Variants in DCC observed in about 807,000 individuals in gnomAD.
DCC encodes the protein netrin receptor DCC.
In DCC, 58 loss-of-function variants were observed where a neutral mutation model predicts 172.5. The observed-to-expected ratio is 0.34, with a 90% confidence interval of 0.27 to 0.42. The LOEUF is 0.42. Ranked by LOEUF, DCC falls within the 10% of genes least tolerant of loss-of-function variation. The pLI, the probability that DCC is intolerant of heterozygous loss-of-function variation, is 1.00. For synonymous variants in DCC, 709 were observed against 644.5 expected, an observed-to-expected ratio of 1.10 and a Z score of -1.52; for missense variants, 1,740 against 1,791.0, an observed-to-expected ratio of 0.97 and a Z score of 0.51.
intron 14 of DCC, among the ~76,000 whole-genome samples, chr18:53,323,761 A>C (rs537495378): frequency 6.6e-6 from 1 of 152,158 alleles, no homozygotes; most frequent in East Asian, 1.9e-4. Flanking sequence ...TTAAATTGAG[A>C]CCTGAAGGAT....
chr18:53,485,179 G>A (rs181918373), intron 25 of DCC, among the ~76,000 whole-genome samples: 28 of 152,070 alleles, frequency 1.8e-4, no homozygotes, highest in Non-Finnish European at 3.5e-4. Context: ...ACTGTGAGCC[G>A]ATAGATATGT....
intron 2 of DCC, among the ~76,000 whole-genome samples, chr18:52,886,657 C>A (rs2039574343): frequency 6.6e-6 from 1 of 152,118 alleles, no homozygotes; most frequent in Admixed American, 6.5e-5. Context: ...GTTTCCTCTG[C>A]TGGGAAAAGG....
At chr18:52,366,219 G>T (rs1220787799) in intron 1 of DCC, among the ~76,000 whole-genome samples, 1 of 152,026 alleles carries the variant, frequency 6.6e-6, no homozygotes, top group Non-Finnish European at 1.5e-5. Flanking sequence ...TGGGTTCTTG[G>T]TCTCACTGAC....
intron 21 of DCC, among the ~76,000 whole-genome samples, chr18:53,417,716 T>C (rs1910400614): frequency 6.6e-6 from 1 of 152,190 alleles, no homozygotes; most frequent in Non-Finnish European, 1.5e-5. Context: ...TGAAATGTCA[T>C]TATTAGTCAC....
chr18:52,437,000 TC>T (rs1987817925), intron 1 of DCC, among the ~76,000 whole-genome samples: 2 of 152,308 alleles, frequency 1.3e-5, no homozygotes, highest in South Asian at 4.1e-4. Flanking sequence ...GAGAAACTGA[TC>T]CTCTGAATGG....
chr18:52,856,062 G>A (rs368994780), intron 2 of DCC, among the ~76,000 whole-genome samples: 10 of 151,830 alleles, frequency 6.6e-5, no homozygotes, highest in East Asian at 2.0e-4. Context: ...ACCGCGCCCC[G>A]CCATTAGAGT....
At chr18:53,148,342 GC>G (rs1392487935) in intron 7 of DCC, among the ~76,000 whole-genome samples, 3 of 152,178 alleles carry the variant, frequency 2.0e-5, no homozygotes, top group Non-Finnish European at 4.4e-5. Flanking sequence ...AGCTGTCACA[GC>G]CTGTCAGTCT....
chr18:52,519,467 T>C (rs998866575), intron 1 of DCC, among the ~76,000 whole-genome samples: 1 of 152,204 alleles, frequency 6.6e-6, no homozygotes, highest in Non-Finnish European at 1.5e-5. Context: ...TAACTGTGTT[T>C]TGAAAAGACA....
intron 1 of DCC, among the ~76,000 whole-genome samples, chr18:52,621,811 C>G (rs2034485899): frequency 6.6e-6 from 1 of 152,154 alleles, no homozygotes; most frequent in Non-Finnish European, 1.5e-5. Flanking sequence ...ATACCCGAGG[C>G]TTCCTCACAA....
intron 1 of DCC, among the ~76,000 whole-genome samples, chr18:52,733,922 A>T (rs553513632): frequency 2.0e-5 from 3 of 152,310 alleles, no homozygotes; most frequent in Admixed American, 2.0e-4. Context: ...AGAGTATATT[A>T]TACATTTCAG....
intron 2 of DCC, among the ~76,000 whole-genome samples, chr18:52,903,861 A>G (rs1190172685): frequency 6.6e-6 from 1 of 152,222 alleles, no homozygotes; most frequent in African/African-American, 2.4e-5. Context: ...ACCTGAGCCA[A>G]TCTGTAGTAG....
chr18:52,740,323 G>A (rs2036800173), intron 1 of DCC, among the ~76,000 whole-genome samples: 1 of 152,154 alleles, frequency 6.6e-6, no homozygotes, highest in South Asian at 2.1e-4. Context: ...TGATGTTTCT[G>A]TTATCACTGT....
chr18:52,835,034 G>A (rs1464507140), intron 2 of DCC, among the ~76,000 whole-genome samples: 1 of 152,088 alleles, frequency 6.6e-6, no homozygotes, highest in Non-Finnish European at 1.5e-5. Context: ...TTTCTTAAAT[G>A]TCTTATTTTA....
At chr18:53,187,662 A>G (rs934287830) in intron 9 of DCC, among the ~76,000 whole-genome samples, 2 of 152,220 alleles carry the variant, frequency 1.3e-5, no homozygotes, top group Non-Finnish European at 2.9e-5. Context: ...CTGCTGTAAT[A>G]TATGGTGAAT....
At chr18:53,106,922 A>C (rs1237162940) in intron 7 of DCC, among the ~76,000 whole-genome samples, 1 of 151,912 alleles carries the variant, frequency 6.6e-6, no homozygotes, top group Non-Finnish European at 1.5e-5. Flanking sequence ...TTTCCACAAG[A>C]ATCTGTATTA....
intron 15 of DCC, among the ~76,000 whole-genome samples, chr18:53,345,861 A>T (rs1350268619): frequency 6.6e-6 from 1 of 151,822 alleles, no homozygotes; most frequent in East Asian, 1.9e-4. Flanking sequence ...AGACCATTGC[A>T]ATTTAATGTA....
chr18:53,527,208 T>C (rs2144621127), intron 28 of DCC, among the ~76,000 whole-genome samples: 1 of 140,702 alleles, frequency 7.1e-6, no homozygotes, highest in Non-Finnish European at 1.5e-5. Context: ...TCTTCTTCCT[T>C]TTTTTTTTTT....
intron 1 of DCC, among the ~76,000 whole-genome samples, chr18:52,584,494 C>T (rs2033625662): frequency 6.6e-6 from 1 of 152,170 alleles, no homozygotes; most frequent in Non-Finnish European, 1.5e-5. Flanking sequence ...TGCAGGGACT[C>T]TCAGTAAGCT....
At chr18:52,911,457 G>A (rs969151356) in intron 3 of DCC, among the ~76,000 whole-genome samples, 2 of 152,018 alleles carry the variant, frequency 1.3e-5, no homozygotes, top group Non-Finnish European at 2.9e-5. Context: ...TAAGTAACAT[G>A]CCCTAAATTG....
Sources: allele counts gnomAD v4.1 joint callset (sites outside exome capture counted in the v4.1 genomes callset), GRCh38; gene constraint gnomAD v4.1.1; transcripts MANE v1.5; gene names NCBI Gene and HGNC (gene_info 2026-07-23, HGNC 2026-07-21).